Variants in PARVA observed in about 807,000 individuals in gnomAD.
The protein encoded by PARVA is parvin alpha, also known as alpha-parvin.
PARVA carries 25 observed loss-of-function variants against 52.6 expected under a neutral mutation model. That is an observed-to-expected ratio of 0.48 (90% confidence interval 0.35 to 0.66). The LOEUF is 0.66. Ranked by LOEUF, PARVA falls within the 30% of genes least tolerant of loss-of-function variation. PARVA has a pLI of 0.01. For synonymous variants in PARVA, 185 were observed against 179.1 expected (o/e 1.03, Z -0.26); for missense variants, 373 against 450.9 (o/e 0.83, Z 1.56).
intron 1 of PARVA, among the ~76,000 whole-genome samples, chr11:12,412,194 G>T (rs1485660811): frequency 2.0e-5 from 3 of 152,202 alleles, no homozygotes; most frequent in Non-Finnish European, 2.9e-5. Context: ...CTTAAGAGCA[G>T]GAGCTGAGTC....
At chr11:12,461,669 G>A (rs2135024261) in intron 1 of PARVA, among the ~76,000 whole-genome samples, 1 of 152,292 alleles carries the variant, frequency 6.6e-6, no homozygotes, top group South Asian at 2.1e-4. Context: ...AGCAATTGGA[G>A]GACAGCCGCA....
chr11:12,504,965 A>T (rs1338228160), intron 6 of PARVA, among the ~76,000 whole-genome samples: 1 of 152,140 alleles, frequency 6.6e-6, no homozygotes, highest in Non-Finnish European at 1.5e-5. Context: ...TCTGTAGTGA[A>T]GGTACTGCCA....
In PARVA at chr11:12,534,823, C is replaced by T. The variant is rs1941815751; in HGVS notation, c.*6898C>T. On this transcript the variant is annotated 3_prime_UTR_variant, in exon 13 of 13. Transcript: ENST00000334956. Reference sequence around the variant, plus strand: ...CCTGCCTGGAGAAACACAGTGCCTGCCCTTGGCAAATATATGTTGGTGTAT... The same window carrying T: ...CCTGCCTGGAGAAACACAGTGCCTGTCCTTGGCAAATATATGTTGGTGTAT... Among the ~76,000 whole-genome samples, 1 of 152,196 alleles carries T rather than the reference C, an allele frequency of 6.6e-6. No homozygotes were observed. Among genetic ancestry groups the T allele is most frequent in the African/African-American group, 2.4e-5 (1 of 41,446 alleles).
chr11:12,419,162 T>A (rs1940111514), intron 1 of PARVA, among the ~76,000 whole-genome samples: 1 of 152,252 alleles, frequency 6.6e-6, no homozygotes, highest in Non-Finnish European at 1.5e-5. Context: ...TTAACCATTT[T>A]AAGTGTACAG....
At chr11:12,499,488 C>A (rs1941340136) in intron 5 of PARVA, among the ~76,000 whole-genome samples, 1 of 150,580 alleles carries the variant, frequency 6.6e-6, no homozygotes, top group South Asian at 2.1e-4. Flanking sequence ...TGAAAATTTA[C>A]AAAGTGCAGA....
intron 4 of PARVA, among the ~76,000 whole-genome samples, chr11:12,488,754 A>C (rs1410141343): frequency 6.6e-6 from 1 of 152,258 alleles, no homozygotes; most frequent in Admixed American, 6.5e-5. Flanking sequence ...GCTAGGATTC[A>C]CAGTACTTAT....
At chr11:12,463,848 A>AT (rs1940817815) in intron 1 of PARVA, among the ~76,000 whole-genome samples, 2 of 152,174 alleles carry the variant, frequency 1.3e-5, no homozygotes, top group Admixed American at 6.5e-5. Flanking sequence ...TGGGCTTCAG[A>AT]TTGTTATAAT....
intron 1 of PARVA, among the ~76,000 whole-genome samples, chr11:12,425,021 C>T (rs1184602566): frequency 6.6e-6 from 1 of 152,180 alleles, no homozygotes; most frequent in Non-Finnish European, 1.5e-5. Flanking sequence ...GTCTCCCCCT[C>T]TTTCAATTGG....
chr11:12,493,105 C>T (rs1363133990), intron 4 of PARVA, among the ~76,000 whole-genome samples: 1 of 152,026 alleles, frequency 6.6e-6, no homozygotes, highest in African/African-American at 2.4e-5. Context: ...CCTGTAATCC[C>T]AGCACTTTAG....
Position 12,518,506 on chromosome 11 carries a change from C to T in PARVA, c.1031C>T (p.Pro344Leu), listed in dbSNP as rs781178760. 23 of 1,612,950 alleles carry T rather than the reference C, an allele frequency of 1.4e-5. 1 individual carries two copies. The East Asian group carries it at 2.5e-4, about 17-fold the overall frequency. The change falls in exon 12 of 13, where the codon CCG becomes CTG. Residue 344 changes from proline (P) to leucine (L), a missense_variant. Coordinates refer to ENST00000334956, the MANE Select transcript of PARVA (RefSeq NM_018222.5). ...MQDGGLEKPK[P>L]RPEDIVNCDL... Reference sequence around the variant, plus strand: ...GATGGAGGGTTGGAAAAGCCAAAACCGCGGCCAGAAGGTACTTTGCTCTTT... The same window carrying T: ...GATGGAGGGTTGGAAAAGCCAAAACTGCGGCCAGAAGGTACTTTGCTCTTT...
chr11:12,430,113 G>T (rs956475144), intron 1 of PARVA, among the ~76,000 whole-genome samples: 1 of 152,074 alleles, frequency 6.6e-6, no homozygotes, highest in African/African-American at 2.4e-5. Context: ...TGCAATGTTG[G>T]TTGATTTCCA....
At position 12,377,632 on chromosome 11, in the gene PARVA, C is replaced by T. The variant is rs752596684; in HGVS notation, c.-16C>T. ...GCTCCGCGTCCCGACCGGCCCGCGG[C>T]AGCCTGCGCCGCGCCATGGCCACCT... On this transcript the variant is annotated 5_prime_UTR_variant, in exon 1 of 13. Coordinates refer to ENST00000334956, the MANE Select transcript of PARVA (RefSeq NM_018222.5). The T allele has an allele frequency of 1.3e-6, 2 of 1,564,348 alleles. No individual in the cohort carries two copies. The highest frequency in any genetic ancestry group is 2.8e-5 in the African/African-American group (2 of 70,182).
intron 1 of PARVA, among the ~76,000 whole-genome samples, chr11:12,403,910 C>T (rs1487036368): frequency 6.6e-6 from 1 of 152,146 alleles, no homozygotes; most frequent in African/African-American, 2.4e-5. Flanking sequence ...ATTTTTAACC[C>T]TCTCTCACCA....
At chr11:12,495,071 A>G (rs1294399960) in intron 4 of PARVA, among the ~76,000 whole-genome samples, 1 of 152,268 alleles carries the variant, frequency 6.6e-6, no homozygotes, top group Non-Finnish European at 1.5e-5. Flanking sequence ...GAGAGGATCC[A>G]AGATAAGAAT....
chr11:12,487,250 C>T (rs1207902545), intron 4 of PARVA, among the ~76,000 whole-genome samples: 1 of 152,140 alleles, frequency 6.6e-6, no homozygotes, highest in Non-Finnish European at 1.5e-5. Context: ...CTTTGAGAGT[C>T]ACTTTTCTAT....
intron 1 of PARVA, among the ~76,000 whole-genome samples, chr11:12,448,796 A>T (rs968523052): frequency 1.3e-5 from 2 of 152,210 alleles, no homozygotes; most frequent in African/African-American, 4.8e-5. Flanking sequence ...TCTTGAAAGC[A>T]GACTCACTAC....
intron 1 of PARVA, 101 bp downstream of exon 1, chr11:12,377,884 GC>G (rs1374413722): frequency 9.2e-6 from 7 of 756,968 alleles, no homozygotes; most frequent in Non-Finnish European, 7.1e-6. Context: ...CGCCGCGGGT[GC>G]CCGGCGCGGT....
intron 12 of PARVA, among the ~76,000 whole-genome samples, chr11:12,519,771 C>T (rs1225523361): frequency 1.3e-5 from 2 of 152,194 alleles, no homozygotes; most frequent in Admixed American, 6.5e-5. Flanking sequence ...AAGGTCAACT[C>T]CTGTTCTCAT....
chr11:12,495,380 T>TA (rs1170579622), intron 4 of PARVA, among the ~76,000 whole-genome samples: 3 of 152,202 alleles, frequency 2.0e-5, no homozygotes, highest in African/African-American at 7.2e-5. Flanking sequence ...ATAAATTATG[T>TA]AAGCATTAGG....
Sources: allele counts gnomAD v4.1 joint callset (sites outside exome capture counted in the v4.1 genomes callset), GRCh38; gene constraint gnomAD v4.1.1; transcripts MANE v1.5; gene names NCBI Gene and HGNC (gene_info 2026-07-23, HGNC 2026-07-21).